RGS6: variants seen among roughly 807,000 people sequenced by gnomAD.
RGS6 encodes regulator of G-protein signaling 6.
RGS6 carries 30 observed loss-of-function variants against 78.5 expected under a neutral mutation model. The ratio of observed to expected loss-of-function variants is 0.38; its 90% CI spans 0.29 to 0.52. The LOEUF is 0.52. Among genes scored for constraint, RGS6 ranks in the 20% least tolerant of loss-of-function variants. RGS6 has a pLI of 0.85. For missense variants in RGS6, 495 were observed against 609.7 expected (o/e 0.81, Z 1.98); for synonymous variants, 206 against 206.0 (o/e 1.00, Z 0.00).
chr14:72,295,671 A>C (rs1011654528), intron 2 of RGS6, among the ~76,000 whole-genome samples: 2 of 152,150 alleles, frequency 1.3e-5, no homozygotes, highest in Non-Finnish European at 2.9e-5. Context: ...GGATGTTTTT[A>C]TATAGGGTAA....
intron 2 of RGS6, among the ~76,000 whole-genome samples, chr14:72,048,897 G>A: frequency 6.6e-6 from 1 of 151,906 alleles, no homozygotes; most frequent in East Asian, 1.9e-4. Context: ...GATGAGTTTT[G>A]GCCCCATTCA....
chr14:72,366,607 T>C (rs2082489066), intron 3 of RGS6, among the ~76,000 whole-genome samples: 1 of 152,186 alleles, frequency 6.6e-6, no homozygotes, highest in African/African-American at 2.4e-5. Context: ...TTAAGATTTC[T>C]GAGCAAGGTG....
intron 2 of RGS6, among the ~76,000 whole-genome samples, chr14:72,098,310 G>A (rs918654890): frequency 6.6e-6 from 1 of 152,190 alleles, no homozygotes; most frequent in South Asian, 2.1e-4. Context: ...CTGGCCTCTT[G>A]GCTAAGATAA....
chr14:72,474,148 T>G (rs1049684723), intron 9 of RGS6: 1 of 152,450 alleles, frequency 6.6e-6, no homozygotes, highest in African/African-American at 2.4e-5. Flanking sequence ...ATGCAAAATT[T>G]GTAAATAATG....
chr14:72,200,481 T>A (rs1383104588), intron 2 of RGS6, among the ~76,000 whole-genome samples: 1 of 152,238 alleles, frequency 6.6e-6, no homozygotes, highest in Non-Finnish European at 1.5e-5. Context: ...GTGTTTGCAC[T>A]TGAAGCTTTT....
chr14:72,293,871 A>G (rs750789106), intron 2 of RGS6, among the ~76,000 whole-genome samples: 8 of 152,230 alleles, frequency 5.3e-5, no homozygotes, highest in Non-Finnish European at 7.3e-5. Flanking sequence ...AAATAATAGT[A>G]AACAAATGGG....
chr14:72,193,435 C>T (rs1330168162), intron 2 of RGS6, among the ~76,000 whole-genome samples: 2 of 152,190 alleles, frequency 1.3e-5, no homozygotes, highest in African/African-American at 4.8e-5. Context: ...AGCTTGAGCA[C>T]GACCTCAGGA....
At chr14:72,417,295 GC>G (rs922781645) in intron 3 of RGS6, among the ~76,000 whole-genome samples, 2 of 152,076 alleles carry the variant, frequency 1.3e-5, no homozygotes, top group Non-Finnish European at 2.9e-5. Context: ...GGAGATGACT[GC>G]CCCCCCACCA....
At chr14:72,018,289 C>T (rs899456651) in intron 2 of RGS6, among the ~76,000 whole-genome samples, 11 of 152,120 alleles carry the variant, frequency 7.2e-5, no homozygotes, top group South Asian at 2.1e-4. Flanking sequence ...TTTAAACATA[C>T]GCAATTATAT....
chr14:72,416,549 A>G (rs549435086), intron 3 of RGS6, among the ~76,000 whole-genome samples: 1 of 152,344 alleles, frequency 6.6e-6, no homozygotes, highest in Admixed American at 6.5e-5. Flanking sequence ...CCAAGAAAAA[A>G]AAAATTAAGC....
At chr14:72,511,108 T>C (rs1177913358) in intron 14 of RGS6, among the ~76,000 whole-genome samples, 2 of 152,172 alleles carry the variant, frequency 1.3e-5, no homozygotes, top group Non-Finnish European at 2.9e-5. Flanking sequence ...ATGTGACTTA[T>C]CTGAGACTTA....
At chr14:71,919,224 T>C in the RGS6 span, among the ~76,000 whole-genome samples, 3 of 152,186 alleles carry the variant, frequency 2.0e-5, no homozygotes, top group African/African-American at 7.2e-5. Context: ...GTTCTCCCTT[T>C]GGCTTGTGCA....
the RGS6 span, among the ~76,000 whole-genome samples, chr14:71,900,886 C>T: frequency 1.6e-4 from 25 of 152,168 alleles, no homozygotes; most frequent in South Asian, 4.8e-3. Flanking sequence ...AAGGGTGAGC[C>T]GACCTGTCAT....
the RGS6 span, among the ~76,000 whole-genome samples, chr14:71,893,689 G>A: frequency 1.3e-5 from 2 of 152,118 alleles, no homozygotes; most frequent in African/African-American, 4.8e-5. Context: ...ATTTATAAGG[G>A]GAGCCAAGCA....
At chr14:71,873,149 A>C in the RGS6 span, among the ~76,000 whole-genome samples, 1 of 152,192 alleles carries the variant, frequency 6.6e-6, no homozygotes, top group Non-Finnish European at 1.5e-5. Context: ...TCCTTTGGGT[A>C]TATATCCAGT....
chr14:71,970,256 T>A (rs2093726443), intron 2 of RGS6, among the ~76,000 whole-genome samples: 1 of 152,158 alleles, frequency 6.6e-6, no homozygotes, highest in African/African-American at 2.4e-5. Flanking sequence ...AAAAGGCCAA[T>A]GTTCTTGTAT....
At chr14:71,940,206 CT>C (rs1314255455) in intron 1 of RGS6, among the ~76,000 whole-genome samples, 1 of 152,228 alleles carries the variant, frequency 6.6e-6, no homozygotes, top group Non-Finnish European at 1.5e-5. Context: ...CCCGAAATGT[CT>C]GATCATTTTC....
intron 17 of RGS6, among the ~76,000 whole-genome samples, chr14:72,554,437 T>C (rs900029493): frequency 3.3e-5 from 5 of 152,156 alleles, no homozygotes; most frequent in African/African-American, 1.2e-4. Context: ...CAAGGGTTAC[T>C]TGAATTTCCT....
chr14:72,416,219 CAG>C (rs928911523), intron 3 of RGS6, among the ~76,000 whole-genome samples: 1 of 150,934 alleles, frequency 6.6e-6, no homozygotes, highest in African/African-American at 2.4e-5. Flanking sequence ...AAATAAATAA[CAG>C]AGCACTGTGA....
Sources: gnomAD v4.1 joint callset for allele counts (sites outside exome capture counted in the v4.1 genomes callset) on GRCh38, gnomAD v4.1.1 for gene constraint, MANE v1.5 for transcripts, NCBI Gene and HGNC (gene_info 2026-07-23, HGNC 2026-07-21) for gene names.